Variants in RALGPS1 observed in about 807,000 individuals in gnomAD.
RALGPS1 encodes the protein ras-specific guanine nucleotide-releasing factor RalGPS1.
RALGPS1 carries 19 observed loss-of-function variants against 78.8 expected under a neutral mutation model. That is an observed-to-expected ratio of 0.24 (90% confidence interval 0.17 to 0.35). The LOEUF is 0.35. Among genes scored for constraint, RALGPS1 ranks in the 10% least tolerant of loss-of-function variants. RALGPS1 has a pLI of 1.00. For synonymous variants in RALGPS1, 228 were observed against 256.3 expected (o/e 0.89, Z 1.06); for missense variants, 454 against 688.3 (o/e 0.66, Z 3.81).
At chr9:127,142,954 CT>C (rs1459981736) in intron 8 of RALGPS1, among the ~76,000 whole-genome samples, 10 of 152,196 alleles carry the variant, frequency 6.6e-5, no homozygotes, top group Admixed American at 5.9e-4. Flanking sequence ...AATGATTAAT[CT>C]TTTTTGAAAT....
chr9:127,036,071 A>G (rs1195899799), intron 5 of RALGPS1, among the ~76,000 whole-genome samples: 2 of 152,238 alleles, frequency 1.3e-5, no homozygotes, highest in African/African-American at 4.8e-5. Context: ...TGCCAGGTCA[A>G]CTTGGCAAAG....
chr9:126,930,158 T>A (rs2035665310), intron 1 of RALGPS1, among the ~76,000 whole-genome samples: 1 of 151,198 alleles, frequency 6.6e-6, no homozygotes, highest in South Asian at 2.1e-4. Context: ...AATGTTTGTT[T>A]ATTTATTTTA....
chr9:126,917,597 G>C (rs1380693987), intron 1 of RALGPS1, among the ~76,000 whole-genome samples: 1 of 152,132 alleles, frequency 6.6e-6, no homozygotes, highest in East Asian at 1.9e-4. Flanking sequence ...TTCTTTATTT[G>C]TAAAGCAAGG....
At chr9:127,033,898 G>A (rs965247418) in intron 4 of RALGPS1, among the ~76,000 whole-genome samples, 12 of 152,182 alleles carry the variant, frequency 7.9e-5, no homozygotes, top group Non-Finnish European at 1.0e-4. Flanking sequence ...CATGCTTTTG[G>A]TTATATGAGG....
chr9:126,950,162 C>T (rs2131708513), intron 1 of RALGPS1, among the ~76,000 whole-genome samples: 1 of 152,240 alleles, frequency 6.6e-6, no homozygotes, highest in Admixed American at 6.5e-5. Context: ...TGTTCTGTTC[C>T]ATTGATCTAT....
intron 8 of RALGPS1, among the ~76,000 whole-genome samples, chr9:127,097,372 A>C (rs2053248304): frequency 1.3e-5 from 2 of 152,246 alleles, no homozygotes; most frequent in South Asian, 4.1e-4. Flanking sequence ...CTGTTACAAA[A>C]AATGTGCATA....
chr9:126,969,893 C>T (rs975320258), intron 3 of RALGPS1, among the ~76,000 whole-genome samples: 1 of 152,120 alleles, frequency 6.6e-6, no homozygotes, highest in Admixed American at 6.5e-5. Flanking sequence ...TTGGCTGTCC[C>T]TGCTGGAGCT....
chr9:127,052,300 T>C (rs1250008914), intron 6 of RALGPS1, among the ~76,000 whole-genome samples: 1 of 152,246 alleles, frequency 6.6e-6, no homozygotes, highest in Non-Finnish European at 1.5e-5. Context: ...TCTCATTCTG[T>C]TTCCCTCCAT....
chr9:126,991,045 C>T (rs1429265389), intron 4 of RALGPS1, among the ~76,000 whole-genome samples: 1 of 152,186 alleles, frequency 6.6e-6, no homozygotes, highest in East Asian at 1.9e-4. Flanking sequence ...AAGGAGGGCT[C>T]CCAGCATAAG....
intron 11 of RALGPS1, among the ~76,000 whole-genome samples, chr9:127,176,078 C>T (rs901914357): frequency 6.6e-6 from 1 of 152,134 alleles, no homozygotes; most frequent in Admixed American, 6.5e-5. Flanking sequence ...ACCCTGCCTC[C>T]AGCACCCCTG....
At chr9:127,129,441 TG>T (rs146995259) in intron 8 of RALGPS1, among the ~76,000 whole-genome samples, 3 of 151,972 alleles carry the variant, frequency 2.0e-5, no homozygotes, top group African/African-American at 7.2e-5. Flanking sequence ...TTATAGTCAG[TG>T]GGGGGGGATT....
Position 127,175,597 on chromosome 9 carries a change from T to C in RALGPS1, c.910+815T>C, listed in dbSNP as rs536708025. Among the ~76,000 whole-genome samples, 37 of 151,340 alleles carry C rather than the reference T, an allele frequency of 2.4e-4. No homozygotes were observed. The South Asian group carries it at 2.9e-3, about 12-fold the overall frequency. Reference sequence around the variant, plus strand: ...GGAACCCAACAGCACTTCCTCCCCCTGGTTTGCGCTCTAGGTCATACCACC... The same window carrying C: ...GGAACCCAACAGCACTTCCTCCCCCCGGTTTGCGCTCTAGGTCATACCACC... On this transcript the variant is annotated intron_variant, in intron 11 of 18. Transcript: ENST00000259351.
chr9:127,069,187 T>G (rs760341747), intron 7 of RALGPS1, 43 bp from the exon 8 acceptor site: 3 of 1,549,228 alleles, frequency 1.9e-6, no homozygotes, highest in Non-Finnish European at 1.8e-6. Context: ...CTCTTTAGCT[T>G]CTTCTGGTTT....
chr9:126,977,734 A>G lies in RALGPS1; in HGVS notation c.205A>G (p.Ile69Val). Residue 69 changes from isoleucine to valine, a missense_variant, in exon 4 of 19, where the codon ATC becomes GTC. Coordinates refer to ENST00000259351, the MANE Select transcript of RALGPS1 (RefSeq NM_014636.3). ...AATGGATATACCTGTGTTTAAAGCT[A>G]TCCAGCCGGAGGTCTGTACTTTGTC... ...TLMDIPVFKA[I>V]QPEELASCGW... 1 of 1,603,024 alleles carries G rather than the reference A, an allele frequency of 6.2e-7. No homozygotes were observed.
chr9:127,087,549 C>CG (rs2051909471), intron 8 of RALGPS1: 1 of 152,630 alleles, frequency 6.6e-6, no homozygotes, highest in Non-Finnish European at 1.5e-5. Context: ...ACGTGCCCAC[C>CG]GGGAAGGGTC....
chr9:127,015,686 G>A (rs1446331342), intron 4 of RALGPS1, among the ~76,000 whole-genome samples: 1 of 152,142 alleles, frequency 6.6e-6, no homozygotes, highest in African/African-American at 2.4e-5. Flanking sequence ...TGATCATCTG[G>A]TTGTGTCTGC....
chr9:126,991,896 T>C (rs957479904), intron 4 of RALGPS1, among the ~76,000 whole-genome samples: 9 of 152,206 alleles, frequency 5.9e-5, no homozygotes, highest in African/African-American at 2.2e-4. Flanking sequence ...CGCTGATAAG[T>C]CAAGCTGAGA....
At chr9:127,117,556 A>G (rs764997386) in intron 8 of RALGPS1, among the ~76,000 whole-genome samples, 2 of 152,226 alleles carry the variant, frequency 1.3e-5, no homozygotes, top group Non-Finnish European at 2.9e-5. Context: ...AAAGAGATCC[A>G]TGCCCAGATA....
At position 127,183,558 on chromosome 9, in the gene RALGPS1, G is replaced by A. The variant is rs1433874402; in HGVS notation, c.910+8776G>A. ...GCCACCGCTGTCTTCTGGCACAGCCGTTTGGCCTCATCAGGCCTGAGTAAG... is the reference window on the plus strand; with the variant it reads ...GCCACCGCTGTCTTCTGGCACAGCCATTTGGCCTCATCAGGCCTGAGTAAG... On this transcript the variant is annotated intron_variant, in intron 11 of 18. Transcript: ENST00000259351. The surrounding 1 kb of genome is among the most constrained non-coding windows in gnomAD (Gnocchi z 4.0). Among the ~76,000 whole-genome samples the A allele has an allele frequency of 3.9e-5, 6 of 152,146 alleles. No individual in the cohort carries two copies. The highest frequency in any genetic ancestry group is 8.8e-5 in the Non-Finnish European group (6 of 68,038).
Sources: gnomAD v4.1 joint callset for allele counts (sites outside exome capture counted in the v4.1 genomes callset) on GRCh38, gnomAD v4.1.1 for gene constraint, Gnocchi (gnomAD v3.1) non-coding constraint, MANE v1.5 for transcripts, NCBI Gene and HGNC (gene_info 2026-07-23, HGNC 2026-07-21) for gene names.